The following RAB37 variants were observed in gnomAD, a reference collection of about 807,000 sequenced individuals.
RAB37 encodes the protein RAB37, member RAS oncogene family, also known as ras-related protein Rab-37.
In RAB37, 29 loss-of-function variants were observed where a neutral mutation model predicts 33.1. That is an observed-to-expected ratio of 0.88 (90% CI 0.65 to 1.20). RAB37 has a LOEUF of 1.20. Among genes scored for constraint, RAB37 ranks in the 50% most tolerant of loss-of-function variants. RAB37 has a pLI of 0.00. For missense variants in RAB37, 299 were observed against 301.1 expected (o/e 0.99, Z 0.05); for synonymous variants, 128 against 119.5 (o/e 1.07, Z -0.47).
chr17:74,688,170 T>A (rs746593225), intron 1 of RAB37, among the ~76,000 whole-genome samples: 51 of 152,194 alleles, frequency 3.4e-4, no homozygotes, highest in Non-Finnish European at 6.5e-4. Context: ...TGGTACCTGG[T>A]TAACAAGAAT....
chr17:74,694,930 CT>C (rs1370568429), intron 1 of RAB37: 6 of 654,210 alleles, frequency 9.2e-6, no homozygotes, highest in Non-Finnish European at 1.5e-5. Flanking sequence ...TAGAAGCCCC[CT>C]GAGACTTGGC....
chr17:74,735,496 A>C (rs556514876), upstream of RAB37, among the ~76,000 whole-genome samples: 38 of 152,306 alleles, frequency 2.5e-4, no homozygotes, highest in African/African-American at 9.1e-4. Flanking sequence ...AGATCCCGCC[A>C]CTGCACTCCA....
intron 1 of RAB37, among the ~76,000 whole-genome samples, chr17:74,689,156 G>T (rs989863827): frequency 6.6e-6 from 1 of 151,952 alleles, no homozygotes; most frequent in South Asian, 2.1e-4. Context: ...AAATTAACCA[G>T]GTGTGGGCGA....
chr17:74,705,301 G>A, intron 1 of RAB37: 2 of 693,486 alleles, frequency 2.9e-6, no homozygotes, highest in Non-Finnish European at 5.3e-6. Flanking sequence ...ATGATTTCTA[G>A]TGGTTCTGGA....
At chr17:74,710,729 C>T (rs1346996576) in intron 1 of RAB37, among the ~76,000 whole-genome samples, 2 of 151,314 alleles carry the variant, frequency 1.3e-5, no homozygotes, top group African/African-American at 4.9e-5. Context: ...AATAGCCAGG[C>T]ATGCTGGCAC....
intron 1 of RAB37, among the ~76,000 whole-genome samples, chr17:74,684,435 A>G (rs1210162053): frequency 1.3e-5 from 2 of 152,122 alleles, no homozygotes; most frequent in African/African-American, 4.8e-5. Context: ...CAAAATTTGA[A>G]AAATGAAAAA....
chr17:74,711,106 T>C (rs1390927288), intron 1 of RAB37, among the ~76,000 whole-genome samples: 1 of 152,106 alleles, frequency 6.6e-6, no homozygotes, highest in Non-Finnish European at 1.5e-5. Flanking sequence ...TTTTCTTGGG[T>C]GTTTTAAAAC....
At position 74,744,294 on chromosome 17, in the gene RAB37, G is replaced by A. The variant is rs199539465; in HGVS notation, c.367-14G>A. 234 of 1,610,630 alleles carry A rather than the reference G, an allele frequency of 1.5e-4. No individual in the cohort carries two copies. Among genetic ancestry groups the A allele is most frequent in the Admixed American group, 2.7e-4 (16 of 59,514 alleles). ...GAGGAAGAGAATGCCAGTCTCGCAC[G>A]CCCTCTCCCACAGGCCTGGCTCACT... On this transcript the variant is annotated splice_polypyrimidine_tract_variant and intron_variant, in intron 5 of 8. Transcript: ENST00000392613. This position sits in a 1 kb window ranked among gnomAD's most constrained non-coding sequence, Gnocchi z 4.2.
upstream of RAB37, among the ~76,000 whole-genome samples, chr17:74,733,429 A>AGGTGTGTG (rs2034417059): frequency 1.1e-3 from 1 of 884 alleles, no homozygotes; most frequent in Non-Finnish European, 2.2e-3. Flanking sequence ...GTGATTTGAG[A>AGGTGTGTG]GTGTATGTGT....
chr17:74,692,195 C>A (rs780252142), intron 1 of RAB37, among the ~76,000 whole-genome samples: 6 of 152,050 alleles, frequency 3.9e-5, no homozygotes, highest in Admixed American at 2.0e-4. Flanking sequence ...TATACCTTGA[C>A]TCATTCTAAT....
rs558159720 is a variant in RAB37 at position 74,728,127 on chromosome 17, T to C, written c.73-1129T>C. On this transcript the variant is annotated intron_variant, in intron 1 of 7. Transcript: ENST00000340415. ...ATGTGTGTCTGTGTGCATGTCTTTG[T>C]ATATGTTTCTGTGTGCATGTGTTTG... Among the ~76,000 whole-genome samples the C allele has an allele frequency of 5.3e-5, 8 of 152,026 alleles. No homozygotes were observed. In the East Asian group the frequency reaches 1.2e-3, roughly 22 times the overall value.
intron 1 of RAB37, among the ~76,000 whole-genome samples, chr17:74,728,723 C>T (rs1014808812): frequency 4.0e-5 from 6 of 150,534 alleles, no homozygotes; most frequent in African/African-American, 7.4e-5. Flanking sequence ...GTGTTCTGTG[C>T]ATATATGTGT....
intron 1 of RAB37, chr17:74,704,352 G>T: frequency 1.4e-6 from 1 of 723,580 alleles, no homozygotes; most frequent in African/African-American, 1.8e-5. Flanking sequence ...GGTCAGTCAG[G>T]GTTCTATGAG....
At chr17:74,692,319 A>G (rs1183905719) in intron 1 of RAB37, among the ~76,000 whole-genome samples, 1 of 152,086 alleles carries the variant, frequency 6.6e-6, no homozygotes, top group Non-Finnish European at 1.5e-5. Flanking sequence ...ACCAGCTTAG[A>G]TGACTAGCTC....
Position 74,704,682 on chromosome 17 carries a change from G to A in RAB37, c.73-24574G>A, listed in dbSNP as rs149118291. On this transcript the variant is annotated intron_variant, in intron 1 of 7. Coordinates refer to the RAB37 transcript ENST00000340415. ...GTTTTAACAAGGATCTTGCAGTCAC[G>A]CCAAATAGCTCCTCGACACCACCAC... The A allele has an allele frequency of 2.6e-5, 42 of 1,614,020 alleles. No individual in the cohort carries two copies. The Admixed American group carries it at 4.8e-4, about 19-fold the overall frequency.
chr17:74,740,617 T>C (rs1230537656), intron 1 of RAB37, 151 bp from the exon 2 acceptor site: 2 of 675,104 alleles, frequency 3.0e-6, no homozygotes, highest in African/African-American at 1.8e-5. Flanking sequence ...AGGGTGAAGA[T>C]GGCGGCTGGC....
At chr17:74,733,479 G>GTGATT (rs2034419957), upstream of RAB37, among the ~76,000 whole-genome samples, 5 of 9,192 alleles carry the variant, frequency 5.4e-4, no homozygotes, top group Non-Finnish European at 1.1e-3. Context: ...TGTGTGTGGT[G>GTGATT]TGAGGTGTGT....
At chr17:74,706,228 C>T (rs893507330) in intron 1 of RAB37, among the ~76,000 whole-genome samples, 2 of 151,238 alleles carry the variant, frequency 1.3e-5, no homozygotes, top group African/African-American at 4.9e-5. Flanking sequence ...TGTAACAAAC[C>T]TGCACAGGTA....
chr17:74,686,774 T>C (rs1475161424), intron 1 of RAB37, among the ~76,000 whole-genome samples: 4 of 152,194 alleles, frequency 2.6e-5, no homozygotes, highest in Admixed American at 6.5e-5. Flanking sequence ...AGCTGGATGT[T>C]ACAGTGCAAG....
Sources: allele counts gnomAD v4.1 joint callset (sites outside exome capture counted in the v4.1 genomes callset), GRCh38; gene constraint gnomAD v4.1.1; non-coding constraint Gnocchi (gnomAD v3.1); transcripts MANE v1.5; gene names NCBI Gene and HGNC (gene_info 2026-07-23, HGNC 2026-07-21).